DNAJC11: variants seen among roughly 807,000 people sequenced by gnomAD.
The protein encoded by DNAJC11 is DnaJ heat shock protein family (Hsp40) member C11.
A neutral mutation model predicts 78.6 loss-of-function variants in DNAJC11; 15 were observed. That is an observed-to-expected ratio of 0.19 (90% CI 0.13 to 0.29). The LOEUF is 0.29. Ranked by LOEUF, DNAJC11 falls within the 10% of genes least tolerant of loss-of-function variation. DNAJC11 has a pLI of 1.00. For missense variants in DNAJC11, 547 were observed against 709.6 expected (o/e 0.77, Z 2.60); for synonymous variants, 292 against 272.1 (o/e 1.07, Z -0.72).
chr1:6,695,627 TAAAAA>T (rs70984004), intron 1 of DNAJC11, among the ~76,000 whole-genome samples: 120 of 82,986 alleles, frequency 1.4e-3, no homozygotes, highest in African/African-American at 2.4e-3. Flanking sequence ...CTATCTCTAC[TAAAAA>T]AAAAAAAAAA....
intron 1 of DNAJC11, among the ~76,000 whole-genome samples, chr1:6,700,785 T>TA (rs1249079743): frequency 6.6e-6 from 1 of 152,206 alleles, no homozygotes; most frequent in Admixed American, 6.5e-5. Context: ...ATAGCCAAAC[T>TA]TGGCTAGCTT....
At chr1:6,696,676 T>A (rs1474914357) in intron 1 of DNAJC11, among the ~76,000 whole-genome samples, 1 of 152,230 alleles carries the variant, frequency 6.6e-6, no homozygotes. Context: ...GGTGATACTT[T>A]TGTACTTCTA....
intron 12 of DNAJC11, chr1:6,637,785 G>A (rs956690999): frequency 7.4e-5 from 40 of 542,388 alleles, no homozygotes; most frequent in African/African-American, 5.7e-4. Context: ...TCATTAATGC[G>A]TGGGTGGGAT....
intron 4 of DNAJC11, among the ~76,000 whole-genome samples, chr1:6,655,707 G>T (rs555014637): frequency 1.4e-4 from 22 of 152,248 alleles, no homozygotes; most frequent in African/African-American, 4.8e-4. Context: ...TACTCTAGAG[G>T]CTGAGGCAGG....
rs376085938 is a variant in DNAJC11 at position 6,638,607 on chromosome 1, C to T, written c.1254-243G>A. 4.6e-4 allele frequency among the ~76,000 whole-genome samples: 70 copies of T among 152,344 alleles called. 1 individual carries two copies. In the South Asian group the frequency reaches 6.4e-3, roughly 14 times the overall value. On this transcript the variant is annotated intron_variant, in intron 11 of 15. Transcript: ENST00000377577. ...CCTCCTCACCAAGCTGACGGGACAC[C>T]GACTGTCAGTCTCTTTGGAAAGAAG...
chr1:6,701,811 T>A lies in DNAJC11; in HGVS notation c.-11A>T, dbSNP rs761951999. 3 of 1,552,418 alleles carry A rather than the reference T, an allele frequency of 1.9e-6. No individual in the cohort carries two copies. Among genetic ancestry groups the A allele is most frequent in the East Asian group, 2.6e-5 (1 of 38,190 alleles). On this transcript the variant is annotated 5_prime_UTR_variant, in exon 1 of 16. It adds an upstream start codon to the 5' untranslated region. Coordinates refer to ENST00000377577, the MANE Select transcript of DNAJC11 (RefSeq NM_018198.4). ...CAAGGCCGTCGCCATCTTCGCAACC[T>A]TTCACCCCGCCAAACCGGCAAGGCC...
intron 1 of DNAJC11, among the ~76,000 whole-genome samples, chr1:6,694,875 TGAGGCAGGAGAATGGCGTGAAC>T (rs1395307892): frequency 6.7e-6 from 1 of 148,502 alleles, no homozygotes; most frequent in African/African-American, 2.5e-5. Context: ...CTCAGGAGGC[TGAGGCAGGAGAATGGCGTGAAC>T]CCGGGAGGCG....
intron 4 of DNAJC11, among the ~76,000 whole-genome samples, chr1:6,665,523 T>C (rs755432636): frequency 2.2e-4 from 34 of 152,242 alleles, no homozygotes; most frequent in Non-Finnish European, 5.0e-4. Context: ...TGGTTATCAC[T>C]CAATATTTCT....
At chr1:6,661,491 C>T (rs141922443) in intron 4 of DNAJC11, among the ~76,000 whole-genome samples, 1 of 151,700 alleles carries the variant, frequency 6.6e-6, no homozygotes, top group East Asian at 1.9e-4. Context: ...ACCTTTGAAT[C>T]CCTCTATGCC....
At position 6,635,447 on chromosome 1, in the gene DNAJC11, TG is replaced by T; in HGVS notation, c.*227del. On this transcript the variant is annotated 3_prime_UTR_variant, in exon 16 of 16. Transcript: ENST00000377577. ...GAACTGATCCTTGGGAAAACAGCCA[TG>T]GGCCAGGCTGCAGTCTGGTTCCCAG... 1 of 523,626 alleles carries T rather than the reference TG, an allele frequency of 1.9e-6. No homozygotes were observed. The highest frequency in any genetic ancestry group is 3.4e-6 in the Non-Finnish European group (1 of 294,134). 32.4% of individuals were successfully genotyped at this position (523,626 alleles called of 1,614,324 possible).
rs376446828 is a variant in DNAJC11, at chr1:6,667,796, C to T, written c.291G>A (p.Arg97=). ...CCTCTCGAATTTCAGCAGGGGTTCT[C>T]CTCCTTTCCACAACCTATGCACAGA... The part of the protein sequence containing the change: ...EMEGWEVVER[R]RTPAEIREEF... Residue 97 remains arginine, a synonymous_variant, in exon 4 of 16, where the codon AGG becomes AGA. Transcript: ENST00000377577. 3.1e-6 allele frequency: 5 copies of T among 1,613,832 alleles called. No homozygotes were observed. Among genetic ancestry groups the T allele is most frequent in the Non-Finnish European group, 4.2e-6 (5 of 1,180,042 alleles).
chr1:6,694,364 A>G (rs1642798728), intron 1 of DNAJC11, among the ~76,000 whole-genome samples: 1 of 152,114 alleles, frequency 6.6e-6, no homozygotes, highest in South Asian at 2.1e-4. Flanking sequence ...CTTTCTGCCC[A>G]GGAAGATGCC....
intron 3 of DNAJC11, among the ~76,000 whole-genome samples, chr1:6,670,210 G>A (rs904360948): frequency 3.9e-5 from 6 of 151,966 alleles, no homozygotes; most frequent in African/African-American, 1.5e-4. Context: ...CGCCCGCCCA[G>A]ATTATTTTTT....
chr1:6,657,765 C>T (rs978296648), intron 4 of DNAJC11, among the ~76,000 whole-genome samples: 2 of 152,212 alleles, frequency 1.3e-5, no homozygotes, highest in South Asian at 2.1e-4. Context: ...CTGCCTCAGC[C>T]TCCCGAGTAG....
chr1:6,644,819 T>C (rs1467729806), intron 9 of DNAJC11, 145 bp from the exon 10 acceptor site: 11 of 806,990 alleles, frequency 1.4e-5, no homozygotes, highest in Non-Finnish European at 1.8e-5. Context: ...CAGAAGAAAG[T>C]TGGGACACCC....
intron 1 of DNAJC11, among the ~76,000 whole-genome samples, chr1:6,690,649 G>A (rs373764226): frequency 6.6e-6 from 1 of 152,226 alleles, no homozygotes; most frequent in Non-Finnish European, 1.5e-5. Context: ...AATTGCCTGG[G>A]CGTGGTGGCT....
intron 7 of DNAJC11, among the ~76,000 whole-genome samples, chr1:6,649,794 G>A (rs1642025964): frequency 6.7e-6 from 1 of 149,464 alleles, no homozygotes; most frequent in Non-Finnish European, 1.5e-5. Flanking sequence ...TGCAACCTCC[G>A]CCTCCTGGGT....
At chr1:6,641,191 GC>G (rs371793390) in intron 10 of DNAJC11, among the ~76,000 whole-genome samples, 3 of 151,936 alleles carry the variant, frequency 2.0e-5, no homozygotes, top group African/African-American at 7.3e-5. Flanking sequence ...TTTGAGACCA[GC>G]CTGGCCAACA....
chr1:6,642,610 C>A (rs1057512745), intron 10 of DNAJC11, among the ~76,000 whole-genome samples: 1 of 151,992 alleles, frequency 6.6e-6, no homozygotes, highest in African/African-American at 2.4e-5. Flanking sequence ...GAGGCCGAAG[C>A]GGGAGAACTA....
Sources: gnomAD v4.1 joint callset for allele counts (sites outside exome capture counted in the v4.1 genomes callset) on GRCh38, gnomAD v4.1.1 for gene constraint, MANE v1.5 for transcripts, NCBI Gene and HGNC (gene_info 2026-07-23, HGNC 2026-07-21) for gene names.